NR2F1-AS1: variants seen among roughly 807,000 people sequenced by gnomAD.
NR2F1-AS1 encodes NR2F1 regulatory antisense RNA 1, also known as NR2F1 antisense RNA 1.
chr5:93,423,998 C>A (rs781770921), intron 4 of NR2F1-AS1, among the ~76,000 whole-genome samples: 2 of 152,134 alleles, frequency 1.3e-5, no homozygotes, highest in Non-Finnish European at 2.9e-5. Flanking sequence ...ACCTGGGGGA[C>A]ATATTTTTCA....
In NR2F1-AS1 at chr5:93,579,222, G is replaced by A. The variant is rs1449904500; in HGVS notation, n.313+1245C>T. On this transcript the variant is annotated intron_variant and non_coding_transcript_variant, in intron 1 of 5. Coordinates refer to ENST00000660523, the Ensembl canonical transcript of NR2F1-AS1. This position sits in a 1 kb window ranked among gnomAD's most constrained non-coding sequence, Gnocchi z 5.1. ...GTTGGCAAGGATGCCCCGTAGGAGT[G>A]CGAGCCGCTCCCCTCCTCCGAAAAG... 1.3e-5 allele frequency among the ~76,000 whole-genome samples: 2 copies of A among 152,106 alleles called. No homozygotes were observed. The highest frequency in any genetic ancestry group is 4.8e-5 in the African/African-American group (2 of 41,434).
intron 4 of NR2F1-AS1, among the ~76,000 whole-genome samples, chr5:93,427,804 A>T (rs113040362): frequency 6.6e-6 from 1 of 152,182 alleles, no homozygotes; most frequent in Non-Finnish European, 1.5e-5. Flanking sequence ...ATGTTTTTAA[A>T]TTAAAATAGT....
intron 1 of NR2F1-AS1, among the ~76,000 whole-genome samples, chr5:93,568,296 A>C (rs1752662621): frequency 6.6e-6 from 1 of 152,344 alleles, no homozygotes; most frequent in Non-Finnish European, 1.5e-5. Context: ...AATGTACAGC[A>C]GTATATTCAA....
intron 1 of NR2F1-AS1, among the ~76,000 whole-genome samples, chr5:93,574,142 C>G (rs917319448): frequency 2.0e-5 from 3 of 152,194 alleles, no homozygotes; most frequent in Non-Finnish European, 4.4e-5. Flanking sequence ...CATGGACAAG[C>G]CTTTGCCACG....
At chr5:93,526,877 C>T (rs1197784165) in intron 4 of NR2F1-AS1, among the ~76,000 whole-genome samples, 1 of 152,104 alleles carries the variant, frequency 6.6e-6, no homozygotes, top group Non-Finnish European at 1.5e-5. Context: ...ATAACAAACC[C>T]ACAGCCAATA....
At chr5:93,409,824 T>C (rs1016012832) in intron 4 of NR2F1-AS1, 2 of 152,204 alleles carry the variant, frequency 1.3e-5, no homozygotes, top group African/African-American at 2.4e-5. Flanking sequence ...ATCCAGTTTA[T>C]ACAGAGCAAC....
chr5:93,476,278 AAC>A (rs1213567553), intron 4 of NR2F1-AS1, among the ~76,000 whole-genome samples: 2 of 152,300 alleles, frequency 1.3e-5, no homozygotes, highest in African/African-American at 4.8e-5. Flanking sequence ...CTTTTTTTCT[AAC>A]AGTCATAAAG....
At position 93,481,660 on chromosome 5, in the gene NR2F1-AS1, T is replaced by C. The variant is rs1489023155; in HGVS notation, n.638+72101A>G. On this transcript the variant is annotated intron_variant and non_coding_transcript_variant, in intron 4 of 5. Coordinates refer to ENST00000660523, the Ensembl canonical transcript of NR2F1-AS1. ...CCAGAATAAACCATAATTTAGGCCATAACACAATTTTCAATCGACTTCAAA... is the reference window on the plus strand; with the variant it reads ...CCAGAATAAACCATAATTTAGGCCACAACACAATTTTCAATCGACTTCAAA... Among the ~76,000 whole-genome samples, 4 of 152,078 alleles carry C rather than the reference T, an allele frequency of 2.6e-5. No homozygotes were observed. The East Asian group carries it at 7.7e-4, about 29-fold the overall frequency.
chr5:93,524,806 C>A (rs1751576431), intron 4 of NR2F1-AS1, among the ~76,000 whole-genome samples: 1 of 152,120 alleles, frequency 6.6e-6, no homozygotes, highest in African/African-American at 2.4e-5. Flanking sequence ...CAAGCAAATG[C>A]TGAGAGATTT....
At chr5:93,455,986 T>C (rs1368325957) in intron 4 of NR2F1-AS1, among the ~76,000 whole-genome samples, 3 of 151,964 alleles carry the variant, frequency 2.0e-5, no homozygotes. Context: ...ATGTCCTACA[T>C]ATGGAAAAAA....
upstream of NR2F1-AS1, chr5:93,584,907 CCCCCG>C (rs1753199855): frequency 7.2e-6 from 1 of 139,710 alleles, no homozygotes; most frequent in African/African-American, 2.6e-5. Context: ...CCCGGCGGGC[CCCCCG>C]CCCCCTCCCC....
At chr5:93,568,687 G>A (rs950034617) in intron 1 of NR2F1-AS1, among the ~76,000 whole-genome samples, 4 of 151,868 alleles carry the variant, frequency 2.6e-5, no homozygotes, top group Non-Finnish European at 5.9e-5. Flanking sequence ...TGAGGTCCGT[G>A]GCCATATGAT....
At chr5:93,557,522 T>C (rs2149916765) in intron 2 of NR2F1-AS1, among the ~76,000 whole-genome samples, 1 of 152,290 alleles carries the variant, frequency 6.6e-6, no homozygotes, top group South Asian at 2.1e-4. Context: ...AAATATGTAA[T>C]TACATTATGT....
intron 4 of NR2F1-AS1, chr5:93,411,285 T>G (rs1356608278): frequency 1.3e-5 from 2 of 152,258 alleles, no homozygotes. Flanking sequence ...AGCTTCGATC[T>G]TTTCTGATTT....
chr5:93,494,868 TAAAC>T (rs906595791), intron 4 of NR2F1-AS1, among the ~76,000 whole-genome samples: 5 of 152,234 alleles, frequency 3.3e-5, no homozygotes, highest in African/African-American at 1.2e-4. Context: ...GATAATCAGA[TAAAC>T]AAATTGTGGT....
intron 4 of NR2F1-AS1, among the ~76,000 whole-genome samples, chr5:93,529,365 A>G (rs1465609929): frequency 6.6e-6 from 1 of 152,214 alleles, no homozygotes; most frequent in Admixed American, 6.5e-5. Context: ...AGTTTCAAAT[A>G]TAGTAGTAAC....
intron 4 of NR2F1-AS1, among the ~76,000 whole-genome samples, chr5:93,445,282 A>G (rs1413519887): frequency 6.6e-6 from 1 of 152,224 alleles, no homozygotes; most frequent in Non-Finnish European, 1.5e-5. Flanking sequence ...TGAAAGGATC[A>G]ACAAAATTGA....
chr5:93,519,227 G>A (rs1751454528), intron 4 of NR2F1-AS1, among the ~76,000 whole-genome samples: 2 of 151,940 alleles, frequency 1.3e-5, no homozygotes, highest in African/African-American at 4.8e-5. Flanking sequence ...ACTCAGCCTA[G>A]CACACATAAA....
At chr5:93,563,092 C>T (rs1446262857) in intron 2 of NR2F1-AS1, among the ~76,000 whole-genome samples, 9 of 152,150 alleles carry the variant, frequency 5.9e-5, no homozygotes, top group Non-Finnish European at 2.9e-5. Flanking sequence ...ATAATCTCAA[C>T]TTGGTCTAAA....
Sources: gnomAD v4.1 joint callset for allele counts (sites outside exome capture counted in the v4.1 genomes callset) on GRCh38, gnomAD v4.1.1 for gene constraint, Gnocchi (gnomAD v3.1) non-coding constraint, MANE v1.5 for transcripts, NCBI Gene and HGNC (gene_info 2026-07-23, HGNC 2026-07-21) for gene names.